Variants in NTMT2 observed in about 807,000 individuals in gnomAD.
The protein encoded by NTMT2 is N-terminal Xaa-Pro-Lys N-methyltransferase 2, also known as X-Pro-Lys N-terminal protein methyltransferase 1B.
NTMT2 carries 21 observed loss-of-function variants against 23.4 expected under a neutral mutation model. That is an observed-to-expected ratio of 0.90 (90% CI 0.64 to 1.29). The LOEUF (loss-of-function observed/expected upper bound fraction) is 1.29. Ranked by LOEUF, NTMT2 falls within the 50% of genes most tolerant of loss-of-function variation. The pLI, the probability that NTMT2 is intolerant of heterozygous loss-of-function variation, is 0.00. For synonymous variants in NTMT2, 131 were observed against 127.7 expected, an observed-to-expected ratio of 1.03 and a Z score of -0.17; for missense variants, 336 against 352.0, an observed-to-expected ratio of 0.95 and a Z score of 0.36.
At chr1:170,154,274 C>A (rs1673122716) in intron 1 of NTMT2, among the ~76,000 whole-genome samples, 1 of 152,150 alleles carries the variant, frequency 6.6e-6, no homozygotes, top group Non-Finnish European at 1.5e-5. Flanking sequence ...ACTGAGATAA[C>A]CTTTACTAGT....
intron 1 of NTMT2, among the ~76,000 whole-genome samples, chr1:170,156,298 T>G (rs1673163697): frequency 6.6e-6 from 1 of 152,174 alleles, no homozygotes; most frequent in African/African-American, 2.4e-5. Context: ...GATTGAGCTT[T>G]ATGTTTATTT....
intron 1 of NTMT2, among the ~76,000 whole-genome samples, chr1:170,146,970 A>G (rs1160969066): frequency 6.6e-6 from 1 of 152,224 alleles, no homozygotes; most frequent in Non-Finnish European, 1.5e-5. Context: ...TGAAGAGGAA[A>G]TAACTTACCA....
chr1:170,163,200 T>C (rs1673307368), intron 2 of NTMT2, among the ~76,000 whole-genome samples: 1 of 152,180 alleles, frequency 6.6e-6, no homozygotes. Flanking sequence ...ACAAGGCTCA[T>C]TGTAAAGCTG....
At chr1:170,153,478 A>G (rs1673108842) in intron 1 of NTMT2, among the ~76,000 whole-genome samples, 1 of 152,272 alleles carries the variant, frequency 6.6e-6, no homozygotes, top group Admixed American at 6.5e-5. Flanking sequence ...CAGTGAGGCC[A>G]GAATGCTGAG....
intron 2 of NTMT2, 47 bp downstream of exon 2, chr1:170,160,740 A>T: frequency 1.4e-6 from 2 of 1,448,840 alleles, no homozygotes; most frequent in Non-Finnish European, 1.8e-6. Context: ...GTCCTTGCAA[A>T]CATTGAGCTC....
chr1:170,152,551 G>A (rs1289852891), intron 1 of NTMT2, among the ~76,000 whole-genome samples: 4 of 152,110 alleles, frequency 2.6e-5, no homozygotes, highest in Admixed American at 2.0e-4. Context: ...AATAGGCAGC[G>A]CCCTATTTTA....
intron 1 of NTMT2, chr1:170,151,340 T>C (rs529908933): frequency 1.3e-5 from 2 of 154,434 alleles, no homozygotes; most frequent in Non-Finnish European, 1.5e-5. Context: ...CTCTCTTGCG[T>C]TGATCCCTTT....
chr1:170,161,889 A>G (rs1673280701), intron 2 of NTMT2, among the ~76,000 whole-genome samples: 1 of 152,262 alleles, frequency 6.6e-6, no homozygotes, highest in African/African-American at 2.4e-5. Flanking sequence ...TCAGAGTTTG[A>G]GACCAGCCTG....
At chr1:170,147,860 A>G (rs540409607) in intron 1 of NTMT2, among the ~76,000 whole-genome samples, 32 of 152,354 alleles carry the variant, frequency 2.1e-4, no homozygotes, top group Non-Finnish European at 4.3e-4. Flanking sequence ...TTAATTTGGC[A>G]CAAATGGACT....
intron 1 of NTMT2, among the ~76,000 whole-genome samples, chr1:170,153,875 C>T (rs1673115883): frequency 6.6e-6 from 1 of 152,152 alleles, no homozygotes; most frequent in Non-Finnish European, 1.5e-5. Context: ...TAAAAGTGAG[C>T]CAGGTGCTAA....
intron 2 of NTMT2, among the ~76,000 whole-genome samples, chr1:170,161,977 C>A (rs1466844092): frequency 5.3e-5 from 8 of 152,090 alleles, no homozygotes; most frequent in Non-Finnish European, 1.0e-4. Context: ...GTAGTCCCAG[C>A]TACTGGGGAG....
chr1:170,152,710 C>CG (rs933381702), intron 1 of NTMT2, among the ~76,000 whole-genome samples: 2 of 151,360 alleles, frequency 1.3e-5, no homozygotes, highest in Admixed American at 1.3e-4. Flanking sequence ...CTGATAAATC[C>CG]CCCCCCCACC....
chr1:170,167,441 C>G, intron 3 of NTMT2, 45 bp from the exon 4 acceptor site: 1 of 1,491,324 alleles, frequency 6.7e-7, no homozygotes, highest in Non-Finnish European at 9.0e-7. Context: ...TCCATCCTCC[C>G]CACCATTTCT....
At chr1:170,158,908 A>T (rs1673214847) in intron 1 of NTMT2, among the ~76,000 whole-genome samples, 2 of 151,740 alleles carry the variant, frequency 1.3e-5, no homozygotes, top group Non-Finnish European at 2.9e-5. Flanking sequence ...ATATCTCTTC[A>T]AAGATTTATG....
At chr1:170,165,205 AT>A (rs1167217253) in intron 2 of NTMT2, among the ~76,000 whole-genome samples, 13 of 152,170 alleles carry the variant, frequency 8.5e-5, no homozygotes, top group Non-Finnish European at 1.3e-4. Flanking sequence ...TGACCAAATA[AT>A]TTAGACCATC....
Position 170,165,174 on chromosome 1 carries a change from C to T in NTMT2, c.331-1328C>T, listed in dbSNP as rs927623124. ...TACTGTAATTTCTAGCACAAAACCGCTTCAGCAGCCATCCCAATTATGACC... is the reference window on the plus strand; with the variant it reads ...TACTGTAATTTCTAGCACAAAACCGTTTCAGCAGCCATCCCAATTATGACC... On this transcript the variant is annotated intron_variant, in intron 2 of 3. Coordinates refer to ENST00000439373, the MANE Select transcript of NTMT2 (RefSeq NM_001136107.2). 6.6e-5 allele frequency among the ~76,000 whole-genome samples: 10 copies of T among 152,260 alleles called. No individual in the cohort carries two copies. In the South Asian group the frequency reaches 1.0e-3, roughly 16 times the overall value.
At chr1:170,155,822 C>T (rs1210650930) in intron 1 of NTMT2, among the ~76,000 whole-genome samples, 1 of 151,972 alleles carries the variant, frequency 6.6e-6, no homozygotes, top group East Asian at 1.9e-4. Context: ...AATATTGTCT[C>T]GACTTGTTGT....
intron 1 of NTMT2, among the ~76,000 whole-genome samples, chr1:170,149,292 A>C (rs1189262136): frequency 6.6e-6 from 1 of 152,216 alleles, no homozygotes; most frequent in African/African-American, 2.4e-5. Context: ...TTTTCCTCTA[A>C]TGGCAGAAGC....
intron 1 of NTMT2, among the ~76,000 whole-genome samples, chr1:170,158,920 G>A (rs1347750957): frequency 6.6e-6 from 1 of 151,836 alleles, no homozygotes; most frequent in Non-Finnish European, 1.5e-5. Context: ...AGATTTATGA[G>A]TTTTTCGTTT....
Sources: allele counts gnomAD v4.1 joint callset (sites outside exome capture counted in the v4.1 genomes callset), GRCh38; gene constraint gnomAD v4.1.1; transcripts MANE v1.5; gene names NCBI Gene and HGNC (gene_info 2026-07-23, HGNC 2026-07-21).